GABRA3: variants seen among roughly 807,000 people sequenced by gnomAD.
GABRA3 encodes gamma-aminobutyric acid receptor subunit alpha-3.
A neutral mutation model predicts 30.1 loss-of-function variants in GABRA3; 10 were observed. That is an observed-to-expected ratio of 0.33 (90% CI 0.20 to 0.56). GABRA3 has a LOEUF of 0.56. Ranked by LOEUF, GABRA3 falls within the 20% of genes least tolerant of loss-of-function variation. The pLI, the probability that GABRA3 is intolerant of heterozygous loss-of-function variation, is 0.89. For synonymous variants in GABRA3, 151 were observed against 146.8 expected, an observed-to-expected ratio of 1.03 and a Z score of -0.21; for missense variants, 233 against 392.0, an observed-to-expected ratio of 0.59 and a Z score of 3.42.
intron 9 of GABRA3, among the ~76,000 whole-genome samples, chrX:152,179,670 A>G (rs1937120514): frequency 9.1e-6 from 1 of 109,404 alleles, no homozygotes; most frequent in South Asian, 4.1e-4. Context: ...AATTTTTTGT[A>G]TTTTTAGTAG....
chrX:152,181,341 T>G (rs1036378650), intron 9 of GABRA3, among the ~76,000 whole-genome samples: 2 of 112,167 alleles, frequency 1.8e-5, no homozygotes, highest in Non-Finnish European at 3.8e-5. Flanking sequence ...GATAGTTCAT[T>G]GTTGATAAAG....
chrX:152,241,789 T>C (rs956039985), intron 5 of GABRA3, among the ~76,000 whole-genome samples: 2 of 110,944 alleles, frequency 1.8e-5, no homozygotes, highest in African/African-American at 6.6e-5. Flanking sequence ...CGTCACCCCT[T>C]TCTTGGACTC....
intron 5 of GABRA3, among the ~76,000 whole-genome samples, chrX:152,255,202 G>T (rs1242608095): frequency 9.0e-6 from 1 of 111,148 alleles, no homozygotes; most frequent in East Asian, 2.8e-4. Context: ...AAATTGTTTG[G>T]AAAATTCACT....
chrX:152,407,061 C>A (rs753605833), intron 1 of GABRA3, among the ~76,000 whole-genome samples: 1 of 111,234 alleles, frequency 9.0e-6, no homozygotes, highest in South Asian at 3.7e-4. Context: ...AATGAACACA[C>A]AACATATCAA....
chrX:152,304,363 T>C lies in GABRA3; in HGVS notation c.263-19628A>G, dbSNP rs1054651799. Among the ~76,000 whole-genome samples the C allele has an allele frequency of 8.9e-5, 10 of 112,340 alleles. No homozygotes were observed. The East Asian group carries it at 2.5e-3, about 28-fold the overall frequency. ...GCAATTGCTTTTGAGGACTTAGCCA[T>C]GTATTTACCATGGCTGATGTTGAGA... On this transcript the variant is annotated intron_variant, in intron 3 of 9. Transcript: ENST00000370314.
At chrX:152,303,781 GA>G (rs1340731817) in intron 3 of GABRA3, among the ~76,000 whole-genome samples, 1 of 109,314 alleles carries the variant, frequency 9.1e-6, no homozygotes, top group Non-Finnish European at 1.9e-5. Context: ...TGGACACAGG[GA>G]GGGGAACATC....
intron 3 of GABRA3, 128 bp downstream of exon 3, chrX:152,345,453 G>A (rs1438652181): frequency 3.2e-5 from 22 of 689,771 alleles, no homozygotes; most frequent in Non-Finnish European, 3.8e-5. Flanking sequence ...TGCTCATAGG[G>A]AAGAAATTCA....
At chrX:152,337,946 A>G (rs763944710) in intron 3 of GABRA3, among the ~76,000 whole-genome samples, 1 of 112,690 alleles carries the variant, frequency 8.9e-6, no homozygotes, top group East Asian at 2.8e-4. Context: ...GTTAATGGGC[A>G]CTTAGGTCGA....
intron 1 of GABRA3, among the ~76,000 whole-genome samples, chrX:152,419,996 T>A (rs1409715567): frequency 9.0e-6 from 1 of 111,643 alleles, no homozygotes. Flanking sequence ...ATGCAGTTCA[T>A]CATATTAACA....
intron 3 of GABRA3, among the ~76,000 whole-genome samples, chrX:152,329,910 AACCT>A (rs1403791247): frequency 4.5e-5 from 5 of 112,045 alleles, no homozygotes; most frequent in Non-Finnish European, 3.8e-5. Context: ...GTGAACAGGC[AACCT>A]ACAGAATGGG....
intron 2 of GABRA3, among the ~76,000 whole-genome samples, chrX:152,351,336 C>T (rs1190155302): frequency 1.8e-5 from 2 of 112,205 alleles, no homozygotes; most frequent in African/African-American, 6.5e-5. Flanking sequence ...TATCAATTAT[C>T]ATAGCTAGAT....
intron 1 of GABRA3, among the ~76,000 whole-genome samples, chrX:152,403,947 A>G (rs1483035246): frequency 3.6e-5 from 4 of 111,127 alleles, no homozygotes; most frequent in Non-Finnish European, 7.5e-5. Flanking sequence ...CCAAGGAGGC[A>G]TTTACTGATT....
intron 4 of GABRA3, among the ~76,000 whole-genome samples, chrX:152,273,335 G>C (rs1321664130): frequency 8.9e-6 from 1 of 112,096 alleles, no homozygotes; most frequent in African/African-American, 3.2e-5. Context: ...ATACACTGTT[G>C]GTGGAAATGT....
intron 3 of GABRA3, among the ~76,000 whole-genome samples, chrX:152,328,276 A>C (rs1462378774): frequency 8.9e-6 from 1 of 111,908 alleles, no homozygotes; most frequent in Non-Finnish European, 1.9e-5. Context: ...AGGTACAATG[A>C]GGAGCTGGTA....
At chrX:152,320,744 AAAAT>A (rs1326202287) in intron 3 of GABRA3, among the ~76,000 whole-genome samples, 2 of 111,729 alleles carry the variant, frequency 1.8e-5, no homozygotes, top group Non-Finnish European at 3.8e-5. Context: ...AAAAACAAAA[AAAAT>A]AAAGATGGAT....
At chrX:152,353,383 C>A (rs1940506255) in intron 2 of GABRA3, among the ~76,000 whole-genome samples, 1 of 111,702 alleles carries the variant, frequency 9.0e-6, no homozygotes, top group South Asian at 3.7e-4. Context: ...GTGTCATGAA[C>A]CAAAGTTTGC....
At chrX:152,428,947 T>C (rs1233465001) in intron 1 of GABRA3, among the ~76,000 whole-genome samples, 4 of 111,452 alleles carry the variant, frequency 3.6e-5, no homozygotes, top group Non-Finnish European at 7.5e-5. Flanking sequence ...ATGCACTTAA[T>C]GGGTCACCAA....
rs1344743147 is a variant in GABRA3 at position 152,231,167 on chromosome X, G to GTA, written c.552-6324_552-6323dup. Among the ~76,000 whole-genome samples, 823 of 104,240 alleles carry GTA rather than the reference G, an allele frequency of 7.9e-3. 14 individuals are homozygous for GTA. Among genetic ancestry groups the GTA allele is most frequent in the African/African-American group, 0.027 (772 of 28,606 alleles). 90.5% of individuals were successfully genotyped at this position (104,240 alleles called of 115,157 possible). A position where few individuals can be genotyped will look rare whatever the true frequency, so the allele number is the denominator to read the frequency against. On this transcript the variant is annotated intron_variant, in intron 5 of 9. Coordinates refer to ENST00000370314, the MANE Select transcript of GABRA3 (RefSeq NM_000808.4). ...TATATATATATATACACACATATATGTATATATACACACATATGTATATAT... is the reference window on the plus strand; with the variant it reads ...TATATATATATATACACACATATATGTATATATATACACACATATGTATATAT...
At chrX:152,397,249 A>C (rs970144848) in intron 1 of GABRA3, among the ~76,000 whole-genome samples, 3 of 112,011 alleles carry the variant, frequency 2.7e-5, no homozygotes, top group Admixed American at 1.9e-4. Flanking sequence ...TCAGTGATCA[A>C]ATAACTTATG....
Sources: gnomAD v4.1 joint callset for allele counts (sites outside exome capture counted in the v4.1 genomes callset) on GRCh38, gnomAD v4.1.1 for gene constraint, MANE v1.5 for transcripts, NCBI Gene and HGNC (gene_info 2026-07-23, HGNC 2026-07-21) for gene names.